Variants in PLB1 observed in about 807,000 individuals in gnomAD.
The protein encoded by PLB1 is phospholipase B1, membrane-associated.
A neutral mutation model predicts 227.4 loss-of-function variants in PLB1; 242 were observed. The observed-to-expected ratio is 1.06, with a 90% confidence interval of 0.96 to 1.18. PLB1 has a LOEUF of 1.18. Ranked by LOEUF, PLB1 falls within the 50% of genes most tolerant of loss-of-function variation. The pLI, the probability that PLB1 is intolerant of heterozygous loss-of-function variation, is 0.00. For missense variants in PLB1, 1,858 were observed against 1,816.3 expected, an observed-to-expected ratio of 1.02 and a Z score of -0.42; for synonymous variants, 757 against 682.2, an observed-to-expected ratio of 1.11 and a Z score of -1.71.
chr2:28,591,317 A>AGTGGGCAGAGTAAATGCC (rs1270691227), intron 30 of PLB1, 146 bp downstream of exon 30: 2 of 952,484 alleles, frequency 2.1e-6, no homozygotes, highest in Admixed American at 1.9e-5. Flanking sequence ...CAGATGGGGT[A>AGTGGGCAGAGTAAATGCC]GTGGGCAGAG....
intron 1 of PLB1, among the ~76,000 whole-genome samples, chr2:28,502,572 G>A (rs34263192): frequency 0.17 from 25,333 of 152,048 alleles, 2,334 homozygotes; most frequent in South Asian, 0.27. Context: ...CATTGCTGGC[G>A]TAAAATCAAG....
intron 1 of PLB1, among the ~76,000 whole-genome samples, chr2:28,505,348 T>C (rs1408534271): frequency 6.6e-6 from 1 of 152,236 alleles, no homozygotes; most frequent in Non-Finnish European, 1.5e-5. Context: ...GCAATACATA[T>C]GAAAACAGAT....
intron 39 of PLB1, among the ~76,000 whole-genome samples, 172 bp downstream of exon 39, chr2:28,603,093 C>T (rs1190669926): frequency 6.6e-6 from 1 of 152,202 alleles, no homozygotes; most frequent in Non-Finnish European, 1.5e-5. Flanking sequence ...CCATGACTCC[C>T]CTGTTACCCA....
At chr2:28,629,832 A>G (rs996431617) in intron 53 of PLB1, among the ~76,000 whole-genome samples, 35 of 152,090 alleles carry the variant, frequency 2.3e-4, no homozygotes, top group African/African-American at 8.0e-4. Flanking sequence ...AAGCTCTTGA[A>G]CCCTGGTAGG....
At chr2:28,593,041 T>C (rs1682256017) in intron 32 of PLB1, among the ~76,000 whole-genome samples, 1 of 152,234 alleles carries the variant, frequency 6.6e-6, no homozygotes, top group Non-Finnish European at 1.5e-5. Flanking sequence ...GCGCTCTTTT[T>C]CCTTTGGATT....
At chr2:28,601,995 A>T (rs922852948) in intron 38 of PLB1, 31 bp downstream of exon 38, 18 of 1,565,858 alleles carry the variant, frequency 1.1e-5, no homozygotes, top group Non-Finnish European at 1.6e-5. Flanking sequence ...AGCTGGTAAC[A>T]GCTCAAGCAT....
In PLB1 at chr2:28,620,960, C is replaced by T. The variant is rs746120217; in HGVS notation, c.3509C>T (p.Ala1170Val). ...GGGACAGCAGGACTAAATGTGGCAGCGGAAGGGGCCAGAGCTAGGTGAGTA... is the reference window on the plus strand; with the variant it reads ...GGGACAGCAGGACTAAATGTGGCAGTGGAAGGGGCCAGAGCTAGGTGAGTA... ...WEGTAGLNVAAEGARARDMPA... is the reference protein window; with the variant it reads ...WEGTAGLNVAVEGARARDMPA... The change falls in exon 49 of 58, where the codon GCG (alanine) becomes GTG (valine). Residue 1170 changes from alanine to valine, a missense_variant. Transcript: ENST00000327757. 2.0e-5 allele frequency: 33 copies of T among 1,612,302 alleles called. No homozygotes were observed. Among genetic ancestry groups the T allele is most frequent in the African/African-American group, 2.7e-5 (2 of 74,816 alleles).
intron 30 of PLB1, 83 bp downstream of exon 30, chr2:28,591,254 TGGG>T: frequency 1.9e-6 from 3 of 1,561,158 alleles, no homozygotes; most frequent in Non-Finnish European, 2.6e-6. Flanking sequence ...CAGGACAGGG[TGGG>T]AAAGCGGGCA....
chr2:28,496,168 A>G lies in PLB1; in HGVS notation c.54A>G (p.Gln18=). The G allele has an allele frequency of 3.7e-6, 6 of 1,613,962 alleles. No homozygotes were observed. Among genetic ancestry groups the G allele is most frequent in the Non-Finnish European group, 4.2e-6 (5 of 1,179,900 alleles). ...FLLELLLLLG[Q]GTPQIHTSPR... is the part of the protein sequence containing the mutation. ...TGGAGCTGCTGCTGCTTCTGGGGCA[A>G]GGTAAGCGTGCCTTTTGCTCAGAGG... The change falls in exon 1 of 58, where the codon CAA becomes CAG. Residue 18 remains glutamine (Q), a splice_region_variant and synonymous_variant. Transcript: ENST00000327757.
intron 17 of PLB1, among the ~76,000 whole-genome samples, chr2:28,558,156 C>G (rs199954712): frequency 6.7e-5 from 10 of 150,336 alleles, no homozygotes; most frequent in South Asian, 4.2e-4. Flanking sequence ...GTGTGTGTCT[C>G]TGTGTGTGTG....
chr2:28,637,698 C>G (rs1172811801), intron 56 of PLB1, among the ~76,000 whole-genome samples: 1 of 152,240 alleles, frequency 6.6e-6, no homozygotes, highest in East Asian at 1.9e-4. Flanking sequence ...CAGCAGCGTC[C>G]TGCACCACCT....
At chr2:28,534,750 A>G (rs769608111) in intron 9 of PLB1, among the ~76,000 whole-genome samples, 13 of 152,170 alleles carry the variant, frequency 8.5e-5, no homozygotes, top group Non-Finnish European at 1.8e-4. Flanking sequence ...GCTACTCGGG[A>G]GGCTGAGGCA....
intron 22 of PLB1, among the ~76,000 whole-genome samples, chr2:28,579,378 G>A (rs1187663891): frequency 6.6e-6 from 1 of 152,170 alleles, no homozygotes; most frequent in Non-Finnish European, 1.5e-5. Context: ...ACCAGGACAC[G>A]TGGAAACTGA....
rs769719153 is a variant in PLB1 at position 28,543,252 on chromosome 2, A to T, written c.920A>T (p.His307Leu). The T allele has an allele frequency of 6.2e-7, 1 of 1,612,548 alleles. No individual in the cohort carries two copies. The highest frequency in any genetic ancestry group is 1.7e-5 in the Admixed American group (1 of 59,816). Residue 307 changes from histidine (H) to leucine (L), a missense_variant, in exon 14 of 58, where the codon CAT becomes CTT. Coordinates refer to ENST00000327757, the MANE Select transcript of PLB1 (RefSeq NM_153021.5). ...CAGGATTCTACCACGCTGGCCTGGCATCTCTGGAATAGGATGGTGAGTAGA... is the reference window on the plus strand; with the variant it reads ...CAGGATTCTACCACGCTGGCCTGGCTTCTCTGGAATAGGATGGTGAGTAGA... ...RLQDSTTLAW[H>L]LWNRMMEPAG...
chr2:28,620,014 G>A (rs6718595), intron 46 of PLB1, among the ~76,000 whole-genome samples: 9,873 of 152,176 alleles, frequency 0.065, 1,002 homozygotes, highest in African/African-American at 0.22. Context: ...AAAGGGAACA[G>A]AAAGAAAGGG....
rs1414275492 is a variant in PLB1, at chr2:28,589,968, T to C, written c.2017-37T>C. 3 of 1,585,062 alleles carry C rather than the reference T, an allele frequency of 1.9e-6. No individual in the cohort carries two copies. The African/African-American group carries it at 4.0e-5, about 21-fold the overall frequency. On this transcript the variant is annotated intron_variant, in intron 28 of 57. Transcript: ENST00000327757. ...TCCTGAGCTTTCCATTCTGGCCGCC[T>C]CTTCCTCACTCCCCATCTCCCTGCT...
intron 23 of PLB1, 122 bp from the exon 24 acceptor site, chr2:28,581,946 G>A: frequency 1.2e-6 from 1 of 854,764 alleles, no homozygotes; most frequent in Non-Finnish European, 1.8e-6. Context: ...GGGAGACAGA[G>A]TGAGATCCTA....
intron 15 of PLB1, among the ~76,000 whole-genome samples, chr2:28,549,676 TAAG>T (rs1343877715): frequency 1.2e-4 from 18 of 152,352 alleles, no homozygotes; most frequent in Admixed American, 1.2e-3. Context: ...TATGCAATAA[TAAG>T]TATACAATTC....
rs141822022 is a variant in PLB1, at chr2:28,605,977, C to G, written c.3057+29C>G. On this transcript the variant is annotated intron_variant, in intron 42 of 57. Coordinates refer to ENST00000327757, the MANE Select transcript of PLB1 (RefSeq NM_153021.5). ...AAATAAGTGGGGTGTTCCTTGTTCT[C>G]TGGGGTTCTAGTCTAGGGCAGGGCA... The G allele has an allele frequency of 5.8e-5, 90 of 1,552,548 alleles. 1 individual carries two copies. The African/African-American group carries it at 9.2e-4, about 16-fold the overall frequency.
Sources: gnomAD v4.1 joint callset for allele counts (sites outside exome capture counted in the v4.1 genomes callset) on GRCh38, gnomAD v4.1.1 for gene constraint, MANE v1.5 for transcripts, NCBI Gene and HGNC (gene_info 2026-07-23, HGNC 2026-07-21) for gene names.